The following TAFA1 variants were observed in gnomAD, a reference collection of about 807,000 sequenced individuals.
TAFA1 encodes the protein chemokine-like protein TAFA-1.
A neutral mutation model predicts 18.5 loss-of-function variants in TAFA1; 4 were observed. The observed-to-expected ratio is 0.22, with a 90% CI of 0.11 to 0.49. The LOEUF (loss-of-function observed/expected upper bound fraction) is 0.49, where lower values mean the gene tolerates loss of function less well. Among genes scored for constraint, TAFA1 ranks in the 20% least tolerant of loss-of-function variants. TAFA1 has a pLI of 0.98. For missense variants in TAFA1, 147 were observed against 169.0 expected, an observed-to-expected ratio of 0.87 and a Z score of 0.72; for synonymous variants, 56 against 55.2, an observed-to-expected ratio of 1.01 and a Z score of -0.06.
Position 68,056,443 on chromosome 3 carries a change from G to A in TAFA1, c.118+49699G>A, listed in dbSNP as rs74624606. Among the ~76,000 whole-genome samples the A allele has an allele frequency of 9.1e-3, 1,385 of 152,278 alleles. 23 individuals are homozygous for A. The highest frequency in any genetic ancestry group is 0.031 in the African/African-American group (1,273 of 41,556). On this transcript the variant is annotated intron_variant, in intron 2 of 4. Transcript: ENST00000478136. ...ACCCTCTGTCCTTACCAAACCAGAT[G>A]GGTGGTCACCCAAGTTTCAACTGTG...
At chr3:68,213,766 G>T (rs1468637616) in intron 2 of TAFA1, among the ~76,000 whole-genome samples, 1 of 152,058 alleles carries the variant, frequency 6.6e-6, no homozygotes, top group African/African-American at 2.4e-5. Context: ...CACAGTAAAT[G>T]TCTGTGATCA....
chr3:68,285,449 T>C (rs2067981020), intron 2 of TAFA1, among the ~76,000 whole-genome samples: 1 of 152,040 alleles, frequency 6.6e-6, no homozygotes, highest in Non-Finnish European at 1.5e-5. Flanking sequence ...TCAAAAAACA[T>C]ATATATATAG....
intron 2 of TAFA1, among the ~76,000 whole-genome samples, chr3:68,360,550 T>G (rs904253313): frequency 6.6e-6 from 1 of 151,762 alleles, no homozygotes; most frequent in South Asian, 2.1e-4. Flanking sequence ...TGTCATTTAG[T>G]ATGGTTGTTG....
intron 2 of TAFA1, among the ~76,000 whole-genome samples, chr3:68,345,176 T>A (rs1253022548): frequency 5.3e-5 from 8 of 152,144 alleles, no homozygotes; most frequent in Non-Finnish European, 7.4e-5. Flanking sequence ...AGACCAACTG[T>A]GAACCTCTGG....
intron 2 of TAFA1, among the ~76,000 whole-genome samples, chr3:68,131,401 G>C (rs1442642407): frequency 6.6e-6 from 1 of 152,092 alleles, no homozygotes; most frequent in African/African-American, 2.4e-5. Context: ...CAATTAGTTG[G>C]CTTTTGTTCT....
chr3:68,172,806 G>T (rs2066073333), intron 2 of TAFA1, among the ~76,000 whole-genome samples: 1 of 152,212 alleles, frequency 6.6e-6, no homozygotes, highest in East Asian at 1.9e-4. Context: ...TTAAAAAAAA[G>T]TTCAGGATGG....
intron 2 of TAFA1, among the ~76,000 whole-genome samples, chr3:68,307,926 G>A (rs2068448934): frequency 6.6e-6 from 1 of 152,028 alleles, no homozygotes; most frequent in Non-Finnish European, 1.5e-5. Context: ...TTTCTAATAT[G>A]ACTGTTTAAG....
chr3:68,370,472 GTATATATATA>G (rs749877780), intron 2 of TAFA1, among the ~76,000 whole-genome samples: 141 of 33,006 alleles, frequency 4.3e-3, no homozygotes, highest in Admixed American at 0.01. Flanking sequence ...GTGTGTGTGT[GTATATATATA>G]TATATATATA....
chr3:68,112,583 T>A (rs2065274462), intron 2 of TAFA1, among the ~76,000 whole-genome samples: 1 of 152,130 alleles, frequency 6.6e-6, no homozygotes, highest in Non-Finnish European at 1.5e-5. Context: ...TAACAAAAGA[T>A]GCCTGCTATA....
At chr3:68,326,220 T>A (rs2068775351) in intron 2 of TAFA1, among the ~76,000 whole-genome samples, 1 of 152,198 alleles carries the variant, frequency 6.6e-6, no homozygotes, top group Non-Finnish European at 1.5e-5. Context: ...AATGCTGGAT[T>A]TCCTTTTTAC....
chr3:68,430,975 T>G (rs1241466550), intron 3 of TAFA1, among the ~76,000 whole-genome samples: 2 of 151,316 alleles, frequency 1.3e-5, no homozygotes, highest in Admixed American at 1.3e-4. Flanking sequence ...TGGGGTTTAT[T>G]TTAACTACAG....
chr3:68,412,984 G>A (rs575746591), intron 2 of TAFA1, among the ~76,000 whole-genome samples: 2 of 151,782 alleles, frequency 1.3e-5, no homozygotes, highest in South Asian at 4.2e-4. Context: ...CTAGTTTACA[G>A]TCCCACCAAC....
At chr3:68,399,304 T>C (rs537404295) in intron 2 of TAFA1, among the ~76,000 whole-genome samples, 17 of 152,334 alleles carry the variant, frequency 1.1e-4, no homozygotes, top group African/African-American at 3.8e-4. Flanking sequence ...TTTGAACCCC[T>C]GTTTGAGAGA....
chr3:67,996,400 T>C, the TAFA1 span, among the ~76,000 whole-genome samples: 1 of 152,050 alleles, frequency 6.6e-6, no homozygotes, highest in South Asian at 2.1e-4. Context: ...AGAGAAAGTA[T>C]CTCTGAAATC....
intron 2 of TAFA1, among the ~76,000 whole-genome samples, chr3:68,376,555 C>T (rs768723980): frequency 6.6e-6 from 1 of 152,102 alleles, no homozygotes; most frequent in Non-Finnish European, 1.5e-5. Flanking sequence ...TGGCCTCCAA[C>T]TCCATCCATG....
intron 2 of TAFA1, among the ~76,000 whole-genome samples, chr3:68,092,276 C>G (rs2065038578): frequency 1.3e-5 from 2 of 151,946 alleles, no homozygotes; most frequent in African/African-American, 4.8e-5. Context: ...GATTGAACTG[C>G]TGATTCTAGA....
At chr3:68,075,253 T>C (rs937006816) in intron 2 of TAFA1, among the ~76,000 whole-genome samples, 1 of 152,218 alleles carries the variant, frequency 6.6e-6, no homozygotes, top group East Asian at 1.9e-4. Flanking sequence ...CTTTTGCCTT[T>C]CCATTGAAGC....
chr3:68,040,376 G>A (rs1705138200), intron 2 of TAFA1, among the ~76,000 whole-genome samples: 1 of 152,084 alleles, frequency 6.6e-6, no homozygotes, highest in South Asian at 2.1e-4. Context: ...CTGTCTCTCT[G>A]TAACCTTCTC....
chr3:68,148,324 C>T (rs2065767469), intron 2 of TAFA1, among the ~76,000 whole-genome samples: 1 of 152,154 alleles, frequency 6.6e-6, no homozygotes, highest in Admixed American at 6.6e-5. Flanking sequence ...TGTATTTAAC[C>T]TCCTTCTCTC....
Sources: allele counts gnomAD v4.1 joint callset (sites outside exome capture counted in the v4.1 genomes callset), GRCh38; gene constraint gnomAD v4.1.1; transcripts MANE v1.5; gene names NCBI Gene and HGNC (gene_info 2026-07-23, HGNC 2026-07-21).